Variants in ANO2 observed in about 807,000 individuals in gnomAD.
The protein encoded by ANO2 is anoctamin-2.
ANO2 carries 101 observed loss-of-function variants against 124.2 expected under a neutral mutation model. The observed-to-expected ratio is 0.81, with a 90% CI of 0.69 to 0.96. ANO2 has a LOEUF of 0.96. Among genes scored for constraint, ANO2 ranks in the 40% least tolerant of loss-of-function variants. The pLI, the probability that ANO2 is intolerant of heterozygous loss-of-function variation, is 0.00. For synonymous variants in ANO2, 486 were observed against 482.5 expected (o/e 1.01, Z -0.09); for missense variants, 1,293 against 1,274.5 (o/e 1.01, Z -0.22).
At chr12:5,656,689 T>C (rs928574039) in intron 14 of ANO2, among the ~76,000 whole-genome samples, 2 of 152,208 alleles carry the variant, frequency 1.3e-5, no homozygotes, top group Non-Finnish European at 2.9e-5. Context: ...AGATACATAG[T>C]GCAAGCTCTT....
At chr12:5,593,358 T>G (rs1943504816) in intron 20 of ANO2, among the ~76,000 whole-genome samples, 2 of 152,184 alleles carry the variant, frequency 1.3e-5, no homozygotes, top group Admixed American at 1.3e-4. Context: ...CAAAAGCTTG[T>G]GGGTTTTAGA....
intron 4 of ANO2, among the ~76,000 whole-genome samples, chr12:5,835,104 T>C (rs1480494838): frequency 6.6e-6 from 1 of 152,218 alleles, no homozygotes; most frequent in East Asian, 1.9e-4. Flanking sequence ...ATATTTCTGT[T>C]AACATTCACT....
At chr12:5,585,273 T>C (rs924740373) in intron 20 of ANO2, among the ~76,000 whole-genome samples, 2 of 152,036 alleles carry the variant, frequency 1.3e-5, no homozygotes, top group Non-Finnish European at 2.9e-5. Context: ...AAGGACAATA[T>C]GTGGAATTCC....
chr12:5,820,491 A>G (rs1953755343), intron 7 of ANO2, among the ~76,000 whole-genome samples: 1 of 152,218 alleles, frequency 6.6e-6, no homozygotes, highest in South Asian at 2.1e-4. Context: ...TCATTTCCCC[A>G]GTGCCAGAAT....
chr12:5,667,704 C>T (rs4930782), intron 14 of ANO2, among the ~76,000 whole-genome samples: 15,406 of 152,164 alleles, frequency 0.1, 1,029 homozygotes, highest in African/African-American at 0.18. Context: ...TCCCTACCCC[C>T]TTCCATCTCC....
chr12:5,599,731 CA>C, intron 19 of ANO2, 102 bp from the exon 20 acceptor site: 1 of 1,274,196 alleles, frequency 7.8e-7, no homozygotes, highest in Non-Finnish European at 1.1e-6. Flanking sequence ...ACACTAAAGC[CA>C]TCTCTGATCC....
chr12:5,869,927 A>T (rs1191320456), intron 3 of ANO2, among the ~76,000 whole-genome samples: 1 of 152,318 alleles, frequency 6.6e-6, no homozygotes, highest in Admixed American at 6.5e-5. Flanking sequence ...AGGAAGAAAC[A>T]TAACTACTGC....
At chr12:5,748,867 C>T (rs1467390515) in intron 11 of ANO2, among the ~76,000 whole-genome samples, 3 of 83,000 alleles carry the variant, frequency 3.6e-5, no homozygotes, top group Non-Finnish European at 7.1e-5. Flanking sequence ...TCCCTTCACC[C>T]TCCAAAAAAA....
At chr12:5,844,187 A>G (rs1305431592) in intron 4 of ANO2, among the ~76,000 whole-genome samples, 2 of 151,718 alleles carry the variant, frequency 1.3e-5, no homozygotes, top group Non-Finnish European at 2.9e-5. Flanking sequence ...GAAAGGCTCC[A>G]GCCCATGGAG....
chr12:5,916,872 G>C (rs1941411942), intron 3 of ANO2, among the ~76,000 whole-genome samples: 1 of 152,170 alleles, frequency 6.6e-6, no homozygotes. Flanking sequence ...ATGTGCCATG[G>C]CTGAAAAGTA....
intron 3 of ANO2, among the ~76,000 whole-genome samples, chr12:5,891,794 A>G (rs187918619): frequency 6.6e-6 from 1 of 152,118 alleles, no homozygotes; most frequent in Non-Finnish European, 1.5e-5. Flanking sequence ...CAGAACTTGC[A>G]ACTTCAACCC....
intron 14 of ANO2, among the ~76,000 whole-genome samples, chr12:5,652,251 C>A (rs920868336): frequency 6.6e-6 from 1 of 152,076 alleles, no homozygotes; most frequent in African/African-American, 2.4e-5. Flanking sequence ...TATTTTCTTT[C>A]TTTTATTAAA....
At chr12:5,859,538 CTCTT>C (rs1051354064) in intron 3 of ANO2, among the ~76,000 whole-genome samples, 5 of 151,148 alleles carry the variant, frequency 3.3e-5, no homozygotes, top group African/African-American at 1.2e-4. Context: ...CGGTCTCTCT[CTCTT>C]TTTTTTTTTC....
At chr12:5,929,933 C>T (rs11503135) in intron 1 of ANO2, among the ~76,000 whole-genome samples, 4 of 136,296 alleles carry the variant, frequency 2.9e-5, no homozygotes, top group African/African-American at 1.4e-4. Context: ...TCTTTCCTCT[C>T]TCGTCTGCCT....
At chr12:5,715,988 C>T (rs1591977868) in intron 14 of ANO2, among the ~76,000 whole-genome samples, 1 of 152,164 alleles carries the variant, frequency 6.6e-6, no homozygotes, top group East Asian at 1.9e-4. Flanking sequence ...ATAAGATTGA[C>T]AACTTCCTAT....
chr12:5,913,482 G>A (rs752829457), intron 3 of ANO2, among the ~76,000 whole-genome samples: 13 of 152,214 alleles, frequency 8.5e-5, no homozygotes, highest in Non-Finnish European at 1.5e-4. Flanking sequence ...TAGGTACTCC[G>A]TAAATCAGTC....
chr12:5,844,228 G>A (rs7489135), intron 4 of ANO2, among the ~76,000 whole-genome samples: 10,570 of 152,194 alleles, frequency 0.069, 555 homozygotes, highest in African/African-American at 0.15. Flanking sequence ...TTGGACGAGA[G>A]TCTAAATCAG....
At chr12:5,716,052 T>TA (rs1950011261) in intron 14 of ANO2, among the ~76,000 whole-genome samples, 1 of 152,204 alleles carries the variant, frequency 6.6e-6, no homozygotes, top group Non-Finnish European at 1.5e-5. Flanking sequence ...TCAACAATAT[T>TA]ACAATTTACA....
intron 23 of ANO2, among the ~76,000 whole-genome samples, chr12:5,569,901 T>A (rs1941999692): frequency 6.6e-6 from 1 of 152,216 alleles, no homozygotes; most frequent in African/African-American, 2.4e-5. Flanking sequence ...TCTTCTTATA[T>A]ACATACACAA....
Sources: allele counts gnomAD v4.1 joint callset (sites outside exome capture counted in the v4.1 genomes callset), GRCh38; gene constraint gnomAD v4.1.1; transcripts MANE v1.5; gene names NCBI Gene and HGNC (gene_info 2026-07-23, HGNC 2026-07-21).